Variants in ADK observed in about 807,000 individuals in gnomAD.
ADK encodes the protein N6,N6-dimethyladenosine kinase.
In ADK, 24 loss-of-function variants were observed where a neutral mutation model predicts 44.7. The observed-to-expected ratio is 0.54, with a 90% CI of 0.39 to 0.76. The LOEUF (loss-of-function observed/expected upper bound fraction) is 0.76. Among genes scored for constraint, ADK ranks in the 30% least tolerant of loss-of-function variants. ADK has a pLI of 0.00. For missense variants in ADK, 321 were observed against 425.1 expected (o/e 0.76, Z 2.15); for synonymous variants, 128 against 142.6 (o/e 0.90, Z 0.73).
intron 3 of ADK, among the ~76,000 whole-genome samples, chr10:74,283,861 T>C (rs940465811): frequency 2.6e-5 from 4 of 151,800 alleles, no homozygotes; most frequent in Middle Eastern, 3.4e-3. Flanking sequence ...TTTGTATTTT[T>C]AGTAGAGATG....
chr10:74,375,966 C>CT (rs1179614269), intron 4 of ADK, among the ~76,000 whole-genome samples: 3 of 151,652 alleles, frequency 2.0e-5, no homozygotes, highest in African/African-American at 7.3e-5. Context: ...AAAAACTTTT[C>CT]TTTTTTTCCC....
chr10:74,435,365 C>A (rs1473703271), intron 6 of ADK, among the ~76,000 whole-genome samples: 1 of 152,160 alleles, frequency 6.6e-6, no homozygotes, highest in Non-Finnish European at 1.5e-5. Flanking sequence ...TGGTATAATT[C>A]ATCCGCCTTT....
intron 9 of ADK, among the ~76,000 whole-genome samples, chr10:74,650,529 G>T (rs936594149): frequency 2.0e-5 from 3 of 152,166 alleles, no homozygotes; most frequent in Non-Finnish European, 2.9e-5. Flanking sequence ...ACTGATATCT[G>T]GGCTGGGAGG....
intron 2 of ADK, among the ~76,000 whole-genome samples, chr10:74,211,677 G>A (rs1434102890): frequency 6.6e-6 from 1 of 152,082 alleles, no homozygotes; most frequent in African/African-American, 2.4e-5. Context: ...TATCCAACAT[G>A]GTAACCACTA....
intron 2 of ADK, among the ~76,000 whole-genome samples, chr10:74,216,737 A>AT (rs1170336876): frequency 9.2e-5 from 13 of 141,064 alleles, no homozygotes; most frequent in African/African-American, 2.6e-4. Flanking sequence ...AAAAAAAAAT[A>AT]AAAAAAAAAA....
At chr10:74,296,557 A>G (rs552847961) in intron 3 of ADK, among the ~76,000 whole-genome samples, 9 of 152,080 alleles carry the variant, frequency 5.9e-5, no homozygotes, top group Non-Finnish European at 1.0e-4. Context: ...AATTGCTACA[A>G]CCTCTTTGAA....
Position 74,287,337 on chromosome 10 carries a change from G to A in ADK, c.195-27330G>A, listed in dbSNP as rs371502732. ...AAATTAGTGGGGCGTGGTGGTGCAC[G>A]CCTGTAATCCCAGCTACTCAGGAGG... is the stretch of plus-strand genomic sequence containing the variant. On this transcript the variant is annotated intron_variant, in intron 3 of 10. Transcript: ENST00000539909. Among the ~76,000 whole-genome samples, 7 of 151,984 alleles carry A rather than the reference G, an allele frequency of 4.6e-5. No homozygotes were observed. In the South Asian group the frequency reaches 8.3e-4, roughly 18 times the overall value.
chr10:74,225,832 G>A (rs1844513729), intron 3 of ADK, among the ~76,000 whole-genome samples: 1 of 152,024 alleles, frequency 6.6e-6, no homozygotes, highest in Non-Finnish European at 1.5e-5. Context: ...AGTGAGGGCC[G>A]GTGATTGTTA....
chr10:74,630,062 A>T (rs1296312713), intron 9 of ADK, among the ~76,000 whole-genome samples: 1 of 152,168 alleles, frequency 6.6e-6, no homozygotes, highest in Non-Finnish European at 1.5e-5. Flanking sequence ...ATTGGTCTTA[A>T]ATTTTTTAAT....
intron 6 of ADK, among the ~76,000 whole-genome samples, chr10:74,459,867 G>A (rs543697386): frequency 6.6e-6 from 1 of 151,312 alleles, no homozygotes; most frequent in African/African-American, 2.4e-5. Flanking sequence ...ACTTTTATTG[G>A]TTCTTTCCTG....
intron 3 of ADK, among the ~76,000 whole-genome samples, chr10:74,291,236 G>A (rs1847417784): frequency 1.3e-5 from 2 of 152,100 alleles, no homozygotes; most frequent in Admixed American, 1.3e-4. Context: ...CTAACACGGT[G>A]AAACCCTGTC....
At chr10:74,378,927 C>A (rs887442518) in intron 4 of ADK, among the ~76,000 whole-genome samples, 8 of 151,846 alleles carry the variant, frequency 5.3e-5, no homozygotes, top group African/African-American at 1.2e-4. Context: ...ATAGCAAGAT[C>A]CCATCTCTAA....
chr10:74,435,728 C>T (rs1404772548), intron 6 of ADK, among the ~76,000 whole-genome samples: 1 of 151,822 alleles, frequency 6.6e-6, no homozygotes, highest in Non-Finnish European at 1.5e-5. Flanking sequence ...TACTTCTCAC[C>T]GGTACCAATG....
chr10:74,258,801 A>G (rs1018472561), intron 3 of ADK, among the ~76,000 whole-genome samples: 3 of 152,214 alleles, frequency 2.0e-5, no homozygotes, highest in African/African-American at 4.8e-5. Context: ...TGTTAATAGC[A>G]TAATAGTTTT....
chr10:74,311,538 A>G (rs554131620), intron 3 of ADK, among the ~76,000 whole-genome samples: 3 of 152,316 alleles, frequency 2.0e-5, no homozygotes, highest in South Asian at 4.1e-4. Context: ...AAAGGGGAAG[A>G]AAAAAATTGT....
chr10:74,213,955 A>G (rs1206603459), intron 2 of ADK, among the ~76,000 whole-genome samples: 1 of 152,254 alleles, frequency 6.6e-6, no homozygotes, highest in Non-Finnish European at 1.5e-5. Context: ...GTCATTTTGA[A>G]CAATTATCAG....
At chr10:74,448,178 A>T (rs1484149200) in intron 6 of ADK, among the ~76,000 whole-genome samples, 3 of 68,774 alleles carry the variant, frequency 4.4e-5, no homozygotes, top group African/African-American at 1.7e-4. Context: ...GTCTCAAAAA[A>T]ATAAATAAGA....
chr10:74,655,922 G>A, intron 9 of ADK: 1 of 686,738 alleles, frequency 1.5e-6, no homozygotes, highest in East Asian at 2.8e-5. Context: ...AGGTTGGCAA[G>A]CTGCCCATCT....
intron 1 of ADK, among the ~76,000 whole-genome samples, chr10:74,186,214 T>TC (rs201219267): frequency 4.5e-4 from 27 of 59,438 alleles, no homozygotes; most frequent in African/African-American, 1.1e-3. Flanking sequence ...TCCCTTCCCT[T>TC]CCTTTCCCTT....
Sources: allele counts gnomAD v4.1 joint callset (sites outside exome capture counted in the v4.1 genomes callset), GRCh38; gene constraint gnomAD v4.1.1; transcripts MANE v1.5; gene names NCBI Gene and HGNC (gene_info 2026-07-23, HGNC 2026-07-21).